TMPRSS9: variants seen among roughly 807,000 people sequenced by gnomAD.
The protein encoded by TMPRSS9 is transmembrane serine protease 9.
In TMPRSS9, 113 loss-of-function variants were observed where a neutral mutation model predicts 111.4. The observed-to-expected ratio is 1.01, with a 90% confidence interval of 0.87 to 1.19. The LOEUF (loss-of-function observed/expected upper bound fraction) is 1.19, where lower values mean the gene tolerates loss of function less well. Among genes scored for constraint, TMPRSS9 ranks in the 50% most tolerant of loss-of-function variants. TMPRSS9 has a pLI of 0.00. For missense variants in TMPRSS9, 1,803 were observed against 1,513.1 expected (o/e 1.19, Z -3.18); for synonymous variants, 805 against 659.1 (o/e 1.22, Z -3.39).
At chr19:2,373,792 G>A (rs1970309200) in intron 1 of TMPRSS9, among the ~76,000 whole-genome samples, 1 of 152,246 alleles carries the variant, frequency 6.6e-6, no homozygotes, top group Non-Finnish European at 1.5e-5. Context: ...GAGCCACAGT[G>A]CCCGGCCAAC....
At chr19:2,364,441 T>C (rs1453951314) in intron 1 of TMPRSS9, among the ~76,000 whole-genome samples, 6 of 152,072 alleles carry the variant, frequency 3.9e-5, no homozygotes, top group African/African-American at 1.4e-4. Context: ...AGAGATGGGA[T>C]CTCACTATGT....
chr19:2,424,759 G>A (rs1041466665), intron 15 of TMPRSS9, among the ~76,000 whole-genome samples: 1 of 152,050 alleles, frequency 6.6e-6, no homozygotes, highest in Non-Finnish European at 1.5e-5. Context: ...CAGGCGGGGG[G>A]CGGGACTCGC....
At chr19:2,422,219 G>A (rs748879360) in exon 14 of TMPRSS9, 40 of 1,521,344 alleles carry the variant, frequency 2.6e-5, no homozygotes, top group South Asian at 6.5e-5. Context: ...CAGACGCCCC[G>A]GAGGCCACCA....
chr19:2,375,697 G>A (rs1044081983), intron 1 of TMPRSS9, among the ~76,000 whole-genome samples: 2 of 152,182 alleles, frequency 1.3e-5, no homozygotes, highest in Non-Finnish European at 2.9e-5. Context: ...CACTGTGATT[G>A]GCAGACCTGG....
At position 2,416,764 on chromosome 19, in the gene TMPRSS9, CG is replaced by C. The variant is rs1971246253; in HGVS notation, c.1974del (p.Lys659SerfsTer3). Reference sequence around the variant, plus strand: ...GGCCATCCAGAAGTTCCCTGTGGGCCGGAAGTGCATGATCTCCGGATGGGGA... The same window carrying C: ...GGCCATCCAGAAGTTCCCTGTGGGCCGAAGTGCATGATCTCCGGATGGGGA... On this transcript the variant is annotated frameshift_variant, in exon 12 of 18. Coordinates refer to ENST00000648592, the Ensembl canonical transcript of TMPRSS9. LOFTEE classifies it high-confidence loss of function. 6.2e-7 allele frequency: 1 copy of C among 1,612,526 alleles called. No individual in the cohort carries two copies. Among genetic ancestry groups the C allele is most frequent in the Non-Finnish European group, 8.5e-7 (1 of 1,179,940 alleles).
intron 1 of TMPRSS9, among the ~76,000 whole-genome samples, chr19:2,390,238 TTTTTG>T (rs1178906766): frequency 3.1e-5 from 4 of 130,594 alleles, no homozygotes; most frequent in Non-Finnish European, 4.9e-5. Flanking sequence ...GTAGTTTTTT[TTTTTG>T]TTTTTTTTTT....
chr19:2,424,972 G>A (rs915547235), intron 15 of TMPRSS9, 30 bp from the exon 17 acceptor site: 30 of 1,471,318 alleles, frequency 2.0e-5, no homozygotes, highest in Non-Finnish European at 2.5e-5. Context: ...TGGGGGCTCG[G>A]GCCGACGCCT....
At chr19:2,386,042 T>A (rs1970468194), upstream of TMPRSS9, among the ~76,000 whole-genome samples, 1 of 152,200 alleles carries the variant, frequency 6.6e-6, no homozygotes, top group African/African-American at 2.4e-5. Flanking sequence ...CCTCCTGGTC[T>A]CAAGCAGTCC....
At chr19:2,382,283 C>T (rs1970393928) in intron 1 of TMPRSS9, among the ~76,000 whole-genome samples, 1 of 149,022 alleles carries the variant, frequency 6.7e-6, no homozygotes, top group Non-Finnish European at 1.5e-5. Context: ...AAACCATGTG[C>T]CACCATGCCC....
chr19:2,386,872 G>C (rs1188732513), upstream of TMPRSS9, among the ~76,000 whole-genome samples: 1 of 151,750 alleles, frequency 6.6e-6, no homozygotes, highest in Non-Finnish European at 1.5e-5. Flanking sequence ...CACGCCTGTG[G>C]TCCCAGCTAC....
In TMPRSS9 at chr19:2,424,218, C is replaced by CA; in HGVS notation, c.2679dup (p.Glu894ArgfsTer149). The CA allele has an allele frequency of 7.0e-7, 1 of 1,437,084 alleles. No homozygotes were observed. Among genetic ancestry groups the CA allele is most frequent in the South Asian group, 1.5e-5 (1 of 66,146 alleles). 89.0% of individuals were successfully genotyped at this position (1,437,084 alleles called of 1,614,324 possible). A position where few individuals can be genotyped will look rare whatever the true frequency, so the allele number is the denominator to read the frequency against. On this transcript the variant is annotated frameshift_variant, in exon 15 of 18. Transcript: ENST00000648592. LOFTEE classifies it high-confidence loss of function. Reference sequence around the variant, plus strand: ...CACCGTTGCGGGGCCGTGCTGGTGGCAGAGAGGTGGCTGCTGTCGGCGGCG... The same window carrying CA: ...CACCGTTGCGGGGCCGTGCTGGTGGCAAGAGAGGTGGCTGCTGTCGGCGGCG...
chr19:2,407,376 A>T (rs1482679525), intron 7 of TMPRSS9, among the ~76,000 whole-genome samples: 1 of 151,506 alleles, frequency 6.6e-6, no homozygotes, highest in African/African-American at 2.4e-5. Flanking sequence ...ACACAAAAAA[A>T]TTAGTCGGGC....
intron 17 of TMPRSS9, 131 bp from the exon 19 acceptor site, chr19:2,425,796 C>A: frequency 7.5e-7 from 1 of 1,341,946 alleles, no homozygotes; most frequent in Non-Finnish European, 9.9e-7. Context: ...TGCATTGAGC[C>A]CATTTTCCAG....
chr19:2,408,374 G>A, exon 8 of TMPRSS9: 1 of 1,613,626 alleles, frequency 6.2e-7, no homozygotes, highest in Non-Finnish European at 8.5e-7. Flanking sequence ...ACCCGACGAA[G>A]TGGGTGGCCT....
intron 8 of TMPRSS9, 75 bp from the exon 10 acceptor site, chr19:2,410,183 C>G: frequency 1.3e-6 from 2 of 1,584,638 alleles, no homozygotes; most frequent in African/African-American, 1.3e-5. Flanking sequence ...AGGAGCTGTC[C>G]TTCAGCCTCC....
chr19:2,360,447 T>C (rs1052552139), intron 1 of TMPRSS9, among the ~76,000 whole-genome samples, 87 bp downstream of exon 1: 2 of 152,098 alleles, frequency 1.3e-5, no homozygotes, highest in Non-Finnish European at 2.9e-5. Context: ...CGGGGCTGTT[T>C]GGTTGCCTCT....
In TMPRSS9 at chr19:2,425,994, G is replaced by C. The variant is rs372105968; in HGVS notation, c.3188G>C (p.Ser1063Thr). ...CGGTGGGTGCTAACTGGGGTCACTA[G>C]CTGGGGCTATGGCTGTGGCCGGCCC... is the stretch of plus-strand genomic sequence containing the variant. The change falls in exon 18 of 18, where the codon AGC becomes ACC. Residue 1063 changes from serine to threonine, a missense_variant. Coordinates refer to ENST00000648592, the Ensembl canonical transcript of TMPRSS9. 4.9e-5 allele frequency: 79 copies of C among 1,606,858 alleles called. No homozygotes were observed. The highest frequency in any genetic ancestry group is 6.1e-5 in the Non-Finnish European group (72 of 1,177,734).
At chr19:2,422,979 C>G (rs1475720748) in intron 14 of TMPRSS9, among the ~76,000 whole-genome samples, 1 of 151,696 alleles carries the variant, frequency 6.6e-6, no homozygotes, top group East Asian at 1.9e-4. Context: ...ATCATTTGAG[C>G]TCAGGAAGCA....
chr19:2,406,266 C>T (rs1350031564), intron 7 of TMPRSS9, among the ~76,000 whole-genome samples: 1 of 151,664 alleles, frequency 6.6e-6, no homozygotes, highest in Non-Finnish European at 1.5e-5. Context: ...GATCCGCCCA[C>T]CTCGGCCTCC....
Sources: gnomAD v4.1 joint callset for allele counts (sites outside exome capture counted in the v4.1 genomes callset) on GRCh38, gnomAD v4.1.1 for gene constraint, MANE v1.5 for transcripts, NCBI Gene and HGNC (gene_info 2026-07-23, HGNC 2026-07-21) for gene names.